Variants in SLC18A2 observed in about 807,000 individuals in gnomAD.
SLC18A2 encodes the protein synaptic vesicular amine transporter.
SLC18A2 carries 33 observed loss-of-function variants against 59.2 expected under a neutral mutation model. The ratio of observed to expected loss-of-function variants is 0.56; its 90% CI spans 0.42 to 0.75. SLC18A2 has a LOEUF of 0.75. SLC18A2 is among the 30% of genes least tolerant of loss of function. The pLI, the probability that SLC18A2 is intolerant of heterozygous loss-of-function variation, is 0.00. For synonymous variants in SLC18A2, 228 were observed against 253.5 expected (o/e 0.90, Z 0.95); for missense variants, 569 against 668.6 (o/e 0.85, Z 1.64).
At chr10:117,252,666 G>T (rs559653835) in intron 3 of SLC18A2, among the ~76,000 whole-genome samples, 22 of 152,208 alleles carry the variant, frequency 1.4e-4, no homozygotes, top group Non-Finnish European at 8.8e-5. Flanking sequence ...AGGCACTGGT[G>T]TTAACAGTTT....
In SLC18A2 at chr10:117,244,225, A is replaced by G; in HGVS notation, c.376A>G (p.Asn126Asp). 6.2e-7 allele frequency: 1 copy of G among 1,614,210 alleles called. No homozygotes were observed. The highest frequency in any genetic ancestry group is 8.5e-7 in the Non-Finnish European group (1 of 1,180,044). The change falls in exon 3 of 16, where the codon AAT becomes GAT. Residue 126 changes from asparagine (N) to aspartate (D), a missense_variant. Asn to Asp is a conservative substitution (Grantham distance 23). Around this residue, in one of 2 missense-constraint regions of SLC18A2, gnomAD observed 377 missense variants for 389.8 expected, o/e 0.97. Transcript: ENST00000644641. ...TCCCAGTGAAGACAAAGACCTCCTG[A>G]ATGAAAACGTGCAAGTTGGTCTGTT... The part of the protein sequence containing the change: ...DCPSEDKDLL[N>D]ENVQVGLLFA...
chr10:117,252,865 T>C (rs147856206), intron 3 of SLC18A2, among the ~76,000 whole-genome samples: 2 of 152,300 alleles, frequency 1.3e-5, no homozygotes, highest in African/African-American at 4.8e-5. Flanking sequence ...AGCAGTGGTC[T>C]CACGGAGCAA....
At chr10:117,258,424 C>T (rs1031602490) in intron 10 of SLC18A2, among the ~76,000 whole-genome samples, 3 of 152,148 alleles carry the variant, frequency 2.0e-5, no homozygotes, top group Non-Finnish European at 4.4e-5. Flanking sequence ...GTGTTTACCA[C>T]CCTATTGCAT....
intron 6 of SLC18A2, among the ~76,000 whole-genome samples, chr10:117,254,725 G>A (rs1463339578): frequency 1.3e-5 from 2 of 152,144 alleles, no homozygotes; most frequent in Admixed American, 6.5e-5. Context: ...AACCTCCCTG[G>A]GCCCAGATGG....
chr10:117,259,535 G>A (rs1844270734), intron 10 of SLC18A2, among the ~76,000 whole-genome samples: 1 of 152,198 alleles, frequency 6.6e-6, no homozygotes, highest in African/African-American at 2.4e-5. Flanking sequence ...CTGAGAGTGT[G>A]CGTGGCAGGT....
At chr10:117,250,212 C>T (rs937672023) in intron 3 of SLC18A2, among the ~76,000 whole-genome samples, 1 of 152,140 alleles carries the variant, frequency 6.6e-6, no homozygotes, top group African/African-American at 2.4e-5. Context: ...AAAAATGATG[C>T]CCAGCGCTTA....
At chr10:117,271,754 G>A (rs1316167413) in intron 15 of SLC18A2, among the ~76,000 whole-genome samples, 3 of 152,138 alleles carry the variant, frequency 2.0e-5, no homozygotes, top group African/African-American at 7.2e-5. Flanking sequence ...GCTTGGGTGT[G>A]TAAATTTCAG....
At chr10:117,263,120 A>G (rs867164650) in intron 10 of SLC18A2, among the ~76,000 whole-genome samples, 3 of 152,058 alleles carry the variant, frequency 2.0e-5, no homozygotes, top group South Asian at 4.2e-4. Flanking sequence ...AGAGATAGAC[A>G]TGTCTGTCTT....
At chr10:117,241,851 A>G in intron 2 of SLC18A2, 37 bp downstream of exon 2, 1 of 1,555,622 alleles carries the variant, frequency 6.4e-7, no homozygotes, top group Non-Finnish European at 8.7e-7. Context: ...CCGGCACCCC[A>G]GCCCCAGCGC....
intron 3 of SLC18A2, among the ~76,000 whole-genome samples, chr10:117,249,513 G>T (rs1844140132): frequency 6.6e-6 from 1 of 152,216 alleles, no homozygotes; most frequent in Non-Finnish European, 1.5e-5. Context: ...CACCTTTTAG[G>T]AGTGTGTAGG....
intron 10 of SLC18A2, among the ~76,000 whole-genome samples, chr10:117,262,956 G>A (rs2133739374): frequency 6.6e-6 from 1 of 152,308 alleles, no homozygotes; most frequent in South Asian, 2.1e-4. Context: ...TTTAAAGTCA[G>A]CCAGAAGCCA....
chr10:117,260,558 A>G (rs2133737950), intron 10 of SLC18A2, among the ~76,000 whole-genome samples: 1 of 152,334 alleles, frequency 6.6e-6, no homozygotes, highest in Middle Eastern at 3.4e-3. Flanking sequence ...TAGCATTTAA[A>G]TGGACTTTGA....
chr10:117,269,240 CACAA>C lies in SLC18A2; in HGVS notation c.1187-827_1187-824del, dbSNP rs983328608. 9.9e-5 allele frequency among the ~76,000 whole-genome samples: 15 copies of C among 151,482 alleles called. No homozygotes were observed. The highest frequency in any genetic ancestry group is 8.4e-4 in the South Asian group (4 of 4,750). ...ACACATACACAAATACAAGTACATA[CACAA>C]ACACATATACACAGACACATACACA... is the stretch of plus-strand genomic sequence containing the variant. On this transcript the variant is annotated intron_variant, in intron 13 of 15. Coordinates refer to ENST00000644641, the MANE Select transcript of SLC18A2 (RefSeq NM_003054.6). The surrounding 1 kb of genome is among the most constrained non-coding windows in gnomAD (Gnocchi z 5.1).
At chr10:117,241,611 G>A (rs925113043) in intron 1 of SLC18A2, 68 bp from the exon 2 acceptor site, 1 of 1,434,886 alleles carries the variant, frequency 7.0e-7, no homozygotes, top group Non-Finnish European at 9.1e-7. Flanking sequence ...GCCCTTCCGC[G>A]GCCTGGGGGA....
At chr10:117,268,759 CAGA>C (rs1451037911) in intron 13 of SLC18A2, 1 of 152,164 alleles carries the variant, frequency 6.6e-6, no homozygotes, top group Non-Finnish European at 1.5e-5. Flanking sequence ...CAGAACGCCC[CAGA>C]ACTCCAAGGA....
chr10:117,267,530 C>T (rs1844361890), intron 12 of SLC18A2, 143 bp from the exon 13 acceptor site: 1 of 566,114 alleles, frequency 1.8e-6, no homozygotes, highest in Non-Finnish European at 3.0e-6. Context: ...CGGTTCTTCA[C>T]AAACCCCACC....
In SLC18A2 at chr10:117,277,340, A is replaced by T. The variant is rs542671866; in HGVS notation, c.*74A>T. The stretch of plus-strand genomic sequence containing the variant: ...TTTCCAGTGACACAACTCATCCAGA[A>T]CTGTCTTAGTCATACCATCCATCCC... On this transcript the variant is annotated 3_prime_UTR_variant, in exon 16 of 16. Transcript: ENST00000644641. 3.3e-6 allele frequency: 3 copies of T among 897,176 alleles called. No homozygotes were observed. Among genetic ancestry groups the T allele is most frequent in the East Asian group, 2.6e-5 (1 of 38,720 alleles). The allele number at this position is 897,176 out of a possible 1,614,324, so 55.6% of individuals were successfully genotyped here.
rs778242085 is a variant in SLC18A2 at position 117,241,823 on chromosome 10, G to C, written c.121+9G>C. ...GCTGCTCACTGTCGTGGGTACGTGC[G>C]GACAGGGCACCCCTGCCCCGGCACC... On this transcript the variant is annotated intron_variant, in intron 2 of 15. Transcript: ENST00000644641. 1.9e-6 allele frequency: 3 copies of C among 1,602,526 alleles called. No individual in the cohort carries two copies. The highest frequency in any genetic ancestry group is 2.6e-6 in the Non-Finnish European group (3 of 1,175,644).
chr10:117,245,328 G>A (rs1844099454), intron 3 of SLC18A2, among the ~76,000 whole-genome samples: 1 of 152,180 alleles, frequency 6.6e-6, no homozygotes, highest in Admixed American at 6.5e-5. Flanking sequence ...TGGAAGAGAT[G>A]GTGGCGAGGA....
Sources: allele counts gnomAD v4.1 joint callset (sites outside exome capture counted in the v4.1 genomes callset), GRCh38; gene constraint gnomAD v4.1.1; regional missense constraint gnomAD v4.1.1; non-coding constraint Gnocchi (gnomAD v3.1); transcripts MANE v1.5; gene names NCBI Gene and HGNC (gene_info 2026-07-23, HGNC 2026-07-21).